The following KLHL14 variants were observed in gnomAD, a reference collection of about 807,000 sequenced individuals.
KLHL14 encodes the protein kelch like family member 14.
KLHL14 carries 22 observed loss-of-function variants against 64.3 expected under a neutral mutation model. That is an observed-to-expected ratio of 0.34 (90% CI 0.24 to 0.49). The LOEUF is 0.49. Ranked by LOEUF, KLHL14 falls within the 20% of genes least tolerant of loss-of-function variation. The pLI is 0.99. For synonymous variants in KLHL14, 322 were observed against 333.4 expected, an observed-to-expected ratio of 0.97 and a Z score of 0.37; for missense variants, 661 against 789.0, an observed-to-expected ratio of 0.84 and a Z score of 1.94.
intron 3 of KLHL14, among the ~76,000 whole-genome samples, chr18:32,707,667 TCC>T (rs2049997189): frequency 6.6e-6 from 1 of 152,170 alleles, no homozygotes; most frequent in South Asian, 2.1e-4. Flanking sequence ...TAACCAAGCT[TCC>T]CTGGTAGATA....
Position 32,683,420 on chromosome 18 carries a change from G to A in KLHL14, c.1239-2821C>T, listed in dbSNP as rs2049853072. 1.3e-5 allele frequency among the ~76,000 whole-genome samples: 2 copies of A among 152,118 alleles called. No homozygotes were observed. Among genetic ancestry groups the A allele is most frequent in the South Asian group, 2.1e-4 (1 of 4,822 alleles). ...GCATTTTAGAAACCTGATTGTTAAT[G>A]GTCTGCCAGCAACTGTGAACATTCA... On this transcript the variant is annotated intron_variant, in intron 5 of 8. Coordinates refer to ENST00000359358, the MANE Select transcript of KLHL14 (RefSeq NM_020805.3). The surrounding 1 kb of genome is among the most constrained non-coding windows in gnomAD (Gnocchi z 4.2).
At chr18:32,757,293 C>A (rs2050286932) in intron 2 of KLHL14, among the ~76,000 whole-genome samples, 2 of 152,136 alleles carry the variant, frequency 1.3e-5, no homozygotes, top group South Asian at 4.1e-4. Flanking sequence ...CAGTTTTTGT[C>A]CTTAAGGAAA....
chr18:32,759,404 A>G (rs1266809157), intron 2 of KLHL14, among the ~76,000 whole-genome samples: 1 of 152,228 alleles, frequency 6.6e-6, no homozygotes, highest in Non-Finnish European at 1.5e-5. Flanking sequence ...AAATATATAT[A>G]TAAATGGAAC....
chr18:32,745,367 C>A lies in KLHL14; in HGVS notation c.948-3318G>T, dbSNP rs530803877. ...AAAACATGTAAGAAGTTGGATCATACAGAGGAAAGAACACATCAAGTAACA... is the reference window on the plus strand; with the variant it reads ...AAAACATGTAAGAAGTTGGATCATAAAGAGGAAAGAACACATCAAGTAACA... On this transcript the variant is annotated intron_variant, in intron 2 of 8. Transcript: ENST00000359358. 3.3e-5 allele frequency: 5 copies of A among 152,266 alleles called. No individual in the cohort carries two copies. In the South Asian group the frequency reaches 1.0e-3, roughly 32 times the overall value. 9.4% of individuals were successfully genotyped at this position (152,266 alleles called of 1,614,324 possible). A position where few individuals can be genotyped will look rare whatever the true frequency, so the allele number is the denominator to read the frequency against.
chr18:32,715,045 C>T (rs530184233), intron 3 of KLHL14, among the ~76,000 whole-genome samples: 2 of 152,166 alleles, frequency 1.3e-5, no homozygotes, highest in African/African-American at 2.4e-5. Flanking sequence ...TACATGAGTC[C>T]TGAAGGCACT....
At chr18:32,740,855 G>A (rs1419722187) in intron 3 of KLHL14, 1 of 152,082 alleles carries the variant, frequency 6.6e-6, no homozygotes, top group Non-Finnish European at 1.5e-5. Flanking sequence ...GTTTCACTGG[G>A]GGATGCCAGC....
intron 2 of KLHL14, among the ~76,000 whole-genome samples, chr18:32,748,510 C>G (rs892632445): frequency 5.6e-4 from 86 of 152,308 alleles, no homozygotes; most frequent in African/African-American, 1.9e-3. Context: ...GCTGGGACTA[C>G]AGGCGCCCGC....
At chr18:32,706,409 T>C (rs928370053) in intron 3 of KLHL14, among the ~76,000 whole-genome samples, 1 of 152,208 alleles carries the variant, frequency 6.6e-6, no homozygotes, top group Non-Finnish European at 1.5e-5. Context: ...TCAGAGTATG[T>C]AGAACAATAT....
intron 4 of KLHL14, among the ~76,000 whole-genome samples, chr18:32,694,825 G>C (rs1008077462): frequency 6.6e-6 from 1 of 152,158 alleles, no homozygotes; most frequent in African/African-American, 2.4e-5. Flanking sequence ...AAAATATCTT[G>C]ATAATTTTGC....
chr18:32,761,180 C>T lies in KLHL14; in HGVS notation c.947+8465G>A, dbSNP rs185706197. On this transcript the variant is annotated intron_variant, in intron 2 of 8. Coordinates refer to ENST00000359358, the MANE Select transcript of KLHL14 (RefSeq NM_020805.3). ...TAACCCATTTTACTGCTGCAGGACTCGGCTAACGTGGAGCCAGGCCACTCA... is the reference window on the plus strand; with the variant it reads ...TAACCCATTTTACTGCTGCAGGACTTGGCTAACGTGGAGCCAGGCCACTCA... Among the ~76,000 whole-genome samples the T allele has an allele frequency of 9.8e-5, 15 of 152,310 alleles. No homozygotes were observed. In the East Asian group the frequency reaches 2.3e-3, roughly 24 times the overall value.
intron 3 of KLHL14, among the ~76,000 whole-genome samples, chr18:32,706,407 T>G (rs1315411284): frequency 6.6e-6 from 1 of 152,188 alleles, no homozygotes; most frequent in Non-Finnish European, 1.5e-5. Flanking sequence ...GGTCAGAGTA[T>G]GTAGAACAAT....
At chr18:32,721,509 T>C (rs2050079752) in intron 3 of KLHL14, among the ~76,000 whole-genome samples, 1 of 149,366 alleles carries the variant, frequency 6.7e-6, no homozygotes, top group African/African-American at 2.5e-5. Flanking sequence ...TCATTATTGA[T>C]ATCTACACTC....
At chr18:32,758,606 G>T (rs901704937) in intron 2 of KLHL14, among the ~76,000 whole-genome samples, 1 of 152,140 alleles carries the variant, frequency 6.6e-6, no homozygotes, top group African/African-American at 2.4e-5. Flanking sequence ...ATACCCAAGA[G>T]AAATGAAAAC....
At chr18:32,715,258 T>G (rs1258384908) in intron 3 of KLHL14, among the ~76,000 whole-genome samples, 1 of 152,178 alleles carries the variant, frequency 6.6e-6, no homozygotes, top group Non-Finnish European at 1.5e-5. Flanking sequence ...ATAAGCAACT[T>G]TGATCCATGT....
chr18:32,700,141 G>A (rs569065155), intron 3 of KLHL14, among the ~76,000 whole-genome samples: 173 of 152,106 alleles, frequency 1.1e-3, no homozygotes, highest in African/African-American at 4.0e-3. Flanking sequence ...GAAAGTATAC[G>A]TATCCTTTGC....
chr18:32,692,853 G>A (rs2049914617), intron 4 of KLHL14, among the ~76,000 whole-genome samples: 1 of 152,180 alleles, frequency 6.6e-6, no homozygotes, highest in Non-Finnish European at 1.5e-5. Flanking sequence ...GAGCTATCAT[G>A]GAATGATTTG....
intron 3 of KLHL14, among the ~76,000 whole-genome samples, chr18:32,708,317 C>T (rs773109523): frequency 2.0e-5 from 3 of 152,150 alleles, no homozygotes; most frequent in Non-Finnish European, 2.9e-5. Flanking sequence ...TTGGCATTAT[C>T]GCCCTTTTTA....
chr18:32,756,908 T>C, intron 2 of KLHL14, among the ~76,000 whole-genome samples: 1 of 152,234 alleles, frequency 6.6e-6, no homozygotes, highest in East Asian at 1.9e-4. Flanking sequence ...TTCTGCATTC[T>C]TGGGATTTGT....
At chr18:32,733,837 C>G (rs988944149) in intron 3 of KLHL14, 1 of 262,318 alleles carries the variant, frequency 3.8e-6, no homozygotes, top group Non-Finnish European at 7.4e-6. Flanking sequence ...TTCATAATGT[C>G]TATTTGGTAG....
Sources: gnomAD v4.1 joint callset for allele counts (sites outside exome capture counted in the v4.1 genomes callset) on GRCh38, gnomAD v4.1.1 for gene constraint, Gnocchi (gnomAD v3.1) non-coding constraint, MANE v1.5 for transcripts, NCBI Gene and HGNC (gene_info 2026-07-23, HGNC 2026-07-21) for gene names.